PDK3: variants seen among roughly 807,000 people sequenced by gnomAD.
The protein encoded by PDK3 is pyruvate dehydrogenase kinase, isozyme 3.
PDK3 carries 12 observed loss-of-function variants against 32.0 expected under a neutral mutation model. The ratio of observed to expected loss-of-function variants is 0.37; its 90% CI spans 0.24 to 0.61. The LOEUF is 0.61. Ranked by LOEUF, PDK3 falls within the 20% of genes least tolerant of loss-of-function variation. PDK3 has a pLI of 0.65. For missense variants in PDK3, 188 were observed against 316.9 expected (o/e 0.59, Z 3.09); for synonymous variants, 122 against 116.3 (o/e 1.05, Z -0.31).
chrX:24,487,531 A>G (rs1479180959), intron 1 of PDK3, among the ~76,000 whole-genome samples: 1 of 112,039 alleles, frequency 8.9e-6, no homozygotes, highest in Non-Finnish European at 1.9e-5. Flanking sequence ...TTAAAATAAT[A>G]TGTTCTCAGT....
chrX:24,531,940 C>A (rs777839219), intron 10 of PDK3, among the ~76,000 whole-genome samples, 170 bp downstream of exon 10: 38 of 112,113 alleles, frequency 3.4e-4, no homozygotes, highest in African/African-American at 1.2e-3. Flanking sequence ...TCAGATAAAG[C>A]AAAATATGAA....
chrX:24,520,364 A>G (rs1171436668), intron 6 of PDK3, among the ~76,000 whole-genome samples: 1 of 112,008 alleles, frequency 8.9e-6, no homozygotes, highest in Non-Finnish European at 1.9e-5. Flanking sequence ...AGCCCTTTGA[A>G]ATAATGCTTT....
intron 5 of PDK3, 121 bp downstream of exon 5, chrX:24,505,419 C>T (rs925933502): frequency 2.5e-5 from 11 of 442,324 alleles, no homozygotes; most frequent in Admixed American, 7.7e-5. Flanking sequence ...TCACTCTGGG[C>T]CCAAGCCACT....
At chrX:24,500,573 C>G (rs761027875) in intron 3 of PDK3, among the ~76,000 whole-genome samples, 20 of 112,412 alleles carry the variant, frequency 1.8e-4, no homozygotes, top group Admixed American at 4.7e-4. Flanking sequence ...TTGACGATAG[C>G]AATAATAGCT....
chrX:24,505,421 C>T (rs989777849), intron 5 of PDK3, 123 bp downstream of exon 5: 3 of 431,405 alleles, frequency 7.0e-6, no homozygotes, highest in African/African-American at 5.0e-5. Flanking sequence ...ACTCTGGGCC[C>T]AAGCCACTGG....
At chrX:24,477,637 G>A (rs1921144281) in intron 1 of PDK3, among the ~76,000 whole-genome samples, 1 of 110,738 alleles carries the variant, frequency 9.0e-6, no homozygotes, top group African/African-American at 3.3e-5. Context: ...TATCATTTAC[G>A]GTGCTTTTAT....
At chrX:24,497,876 C>T (rs898596768) in intron 2 of PDK3, among the ~76,000 whole-genome samples, 9 of 112,076 alleles carry the variant, frequency 8.0e-5, no homozygotes, top group East Asian at 2.8e-4. Flanking sequence ...ATCTGAATCC[C>T]CACCAGATCC....
At chrX:24,520,823 G>A (rs577135489) in intron 6 of PDK3, among the ~76,000 whole-genome samples, 16 of 112,076 alleles carry the variant, frequency 1.4e-4, no homozygotes, top group African/African-American at 5.2e-4. Flanking sequence ...TTTCCTATGG[G>A]TATACATTTA....
intron 1 of PDK3, among the ~76,000 whole-genome samples, chrX:24,491,433 A>G (rs1331286654): frequency 9.0e-6 from 1 of 111,280 alleles, no homozygotes; most frequent in African/African-American, 3.3e-5. Flanking sequence ...ACAAGTGGAA[A>G]TTTATAGCCA....
chrX:24,488,676 A>G (rs1475919259), intron 1 of PDK3, among the ~76,000 whole-genome samples: 1 of 112,076 alleles, frequency 8.9e-6, no homozygotes, highest in African/African-American at 3.2e-5. Context: ...CAGCCTGGGC[A>G]ACAGAGAGAG....
intron 5 of PDK3, among the ~76,000 whole-genome samples, chrX:24,512,219 A>T (rs1053320900): frequency 8.9e-6 from 1 of 112,004 alleles, no homozygotes; most frequent in African/African-American, 3.2e-5. Flanking sequence ...CTTTGTAAGA[A>T]GCTAGGAAAT....
intron 1 of PDK3, among the ~76,000 whole-genome samples, chrX:24,474,502 C>CT: frequency 1.8e-5 from 2 of 109,787 alleles, no homozygotes; most frequent in Non-Finnish European, 3.8e-5. Context: ...CAACCTCCGC[C>CT]TCCCAGGTTC....
At chrX:24,538,362 A>AG (rs1922821925), downstream of PDK3, among the ~76,000 whole-genome samples, 2 of 112,448 alleles carry the variant, frequency 1.8e-5, no homozygotes, top group Non-Finnish European at 3.7e-5. Context: ...GACTTTAGTA[A>AG]GTATGGTAAA....
chrX:24,515,963 A>G (rs949917804), intron 5 of PDK3, among the ~76,000 whole-genome samples: 4 of 110,569 alleles, frequency 3.6e-5, no homozygotes, highest in African/African-American at 1.3e-4. Flanking sequence ...TTGGTTCTTT[A>G]TAGAGATTTA....
At chrX:24,505,652 C>G (rs1034712590) in intron 5 of PDK3, among the ~76,000 whole-genome samples, 6 of 111,902 alleles carry the variant, frequency 5.4e-5, no homozygotes, top group Non-Finnish European at 9.4e-5. Context: ...AGGTTGAATT[C>G]ACGTGTCTAT....
At chrX:24,525,686 T>C (rs1239377139) in intron 6 of PDK3, among the ~76,000 whole-genome samples, 1 of 112,046 alleles carries the variant, frequency 8.9e-6, no homozygotes, top group East Asian at 2.8e-4. Context: ...TGCTAGCTGC[T>C]TGAGAAAAAG....
chrX:24,531,745 G>A lies in PDK3; in HGVS notation c.1052G>A (p.Gly351Asp). 1 of 1,145,941 alleles carries A rather than the reference G, an allele frequency of 8.7e-7. No individual in the cohort carries two copies. Among genetic ancestry groups the A allele is most frequent in the South Asian group, 1.8e-5 (1 of 54,176 alleles). 94.4% of individuals were successfully genotyped at this position (1,145,941 alleles called of 1,213,427 possible). A position where few individuals can be genotyped will look rare whatever the true frequency, so the allele number is the denominator to read the frequency against. ...DLKLYSMEGVGTDAVIYLKAL... is the reference protein window; with the variant it reads ...DLKLYSMEGVDTDAVIYLKAL... ...AAACTGTATTCCATGGAAGGAGTGGGTACTGATGCTGTCATTTATTTGAAG... is the reference window on the plus strand; with the variant it reads ...AAACTGTATTCCATGGAAGGAGTGGATACTGATGCTGTCATTTATTTGAAG... The change falls in exon 10 of 11, where the codon GGT (glycine) becomes GAT (aspartate). Residue 351 changes from glycine to aspartate, a missense_variant. By Grantham distance (94) the Gly-to-Asp change is moderately conservative. Coordinates refer to ENST00000379162, the MANE Select transcript of PDK3 (RefSeq NM_005391.5).
chrX:24,514,999 C>T (rs1434647777), intron 5 of PDK3, among the ~76,000 whole-genome samples: 3 of 112,038 alleles, frequency 2.7e-5, no homozygotes, highest in South Asian at 3.7e-4. Flanking sequence ...GAACACCTCC[C>T]GTCAGTGTAA....
chrX:24,495,238 T>C (rs971215021), intron 2 of PDK3, among the ~76,000 whole-genome samples: 1 of 112,424 alleles, frequency 8.9e-6, no homozygotes, highest in Non-Finnish European at 1.9e-5. Flanking sequence ...CAGTACTTCT[T>C]GTAGAACAAA....
Sources: allele counts gnomAD v4.1 joint callset (sites outside exome capture counted in the v4.1 genomes callset), GRCh38; gene constraint gnomAD v4.1.1; transcripts MANE v1.5; gene names NCBI Gene and HGNC (gene_info 2026-07-23, HGNC 2026-07-21).